Variants in IL12A observed in about 807,000 individuals in gnomAD.
The protein encoded by IL12A is interleukin-12 subunit alpha.
Under a neutral mutation model 23.5 loss-of-function variants are expected in IL12A, and 16 were observed. That is an observed-to-expected ratio of 0.68 (90% CI 0.46 to 1.03). The LOEUF (loss-of-function observed/expected upper bound fraction) is 1.03. Ranked by LOEUF, IL12A falls within the 50% of genes least tolerant of loss-of-function variation. IL12A has a pLI of 0.00. For missense variants in IL12A, 275 were observed against 307.0 expected (o/e 0.90, Z 0.78); for synonymous variants, 106 against 111.5 (o/e 0.95, Z 0.31).
rs1238528265 is a variant in IL12A at position 159,993,621 on chromosome 3, A to G, written c.462+12A>G. The G allele has an allele frequency of 1.2e-6, 2 of 1,614,118 alleles. No homozygotes were observed. The highest frequency in any genetic ancestry group is 1.7e-6 in the Non-Finnish European group (2 of 1,179,978). On this transcript the variant is annotated intron_variant, in intron 5 of 6. Coordinates refer to ENST00000305579, the MANE Select transcript of IL12A (RefSeq NM_000882.4). ...CCTCTTTTATGATGGTAAGACACAC[A>G]GCTCTTTCCTCAAATGCAATGGGGG... is the stretch of plus-strand genomic sequence containing the variant.
intron 2 of IL12A, among the ~76,000 whole-genome samples, chr3:159,991,012 G>A (rs930317627): frequency 3.9e-5 from 6 of 152,144 alleles, no homozygotes; most frequent in Non-Finnish European, 5.9e-5. Context: ...TTTCTAGCTT[G>A]TTGCCTTAGG....
chr3:159,990,323 C>T lies in IL12A; in HGVS notation c.264+11C>T. On this transcript the variant is annotated intron_variant, in intron 2 of 6. Transcript: ENST00000305579. Reference sequence around the variant, plus strand: ...AACATGCTCCAGAAGGTGAGCCTTTCCTGTCCTCTCCACTGTGGACCTGCA... The same window carrying T: ...AACATGCTCCAGAAGGTGAGCCTTTTCTGTCCTCTCCACTGTGGACCTGCA... 6.2e-7 allele frequency: 1 copy of T among 1,613,852 alleles called. No individual in the cohort carries two copies. The highest frequency in any genetic ancestry group is 8.5e-7 in the Non-Finnish European group (1 of 1,179,828).
Position 159,989,152 on chromosome 3 carries a change from G to T in IL12A, c.96G>T (p.Arg32=), listed in dbSNP as rs2108041992. Residue 32 remains arginine (R), a synonymous_variant, in exon 1 of 7, where the codon CGG becomes CGT. Coordinates refer to ENST00000305579, the MANE Select transcript of IL12A (RefSeq NM_000882.4). ...CTCGCCCTGTGTCCCTGCAGTGCCG[G>T]CTCAGCATGTGTCCAGCGCGCAGTG... 1 of 1,611,874 alleles carries T rather than the reference G, an allele frequency of 6.2e-7. No individual in the cohort carries two copies. Among genetic ancestry groups the T allele is most frequent in the East Asian group, 2.2e-5 (1 of 44,812 alleles).
chr3:159,993,564 C>G lies in IL12A; in HGVS notation c.421-4C>G. On this transcript the variant is annotated splice_polypyrimidine_tract_variant and splice_region_variant and intron_variant, in intron 4 of 6. Transcript: ENST00000305579. ...CACTGATGTCTGATTATTTTTTCCT[C>G]TAGAATGGGAGTTGCCTGGCCTCCA... 1.2e-6 allele frequency: 2 copies of G among 1,614,024 alleles called. No homozygotes were observed. The highest frequency in any genetic ancestry group is 1.7e-6 in the Non-Finnish European group (2 of 1,179,954).
intron 2 of IL12A, 90 bp downstream of exon 2, chr3:159,990,402 C>T (rs760023357): frequency 2.2e-6 from 3 of 1,342,498 alleles, no homozygotes; most frequent in Admixed American, 4.2e-5. Flanking sequence ...GATGGAACTG[C>T]AGAGAAATTG....
intron 3 of IL12A, 115 bp from the exon 4 acceptor site, chr3:159,993,336 G>A: frequency 2.4e-6 from 2 of 821,076 alleles, no homozygotes; most frequent in Middle Eastern, 3.6e-4. Flanking sequence ...AAATAGTTCA[G>A]ATGCTAAATA....
Position 159,995,400 on chromosome 3 carries a change from C to G in IL12A, c.607-4C>G. The G allele has an allele frequency of 1.9e-6, 3 of 1,588,064 alleles. No individual in the cohort carries two copies. The highest frequency in any genetic ancestry group is 2.6e-6 in the Non-Finnish European group (3 of 1,169,896). ...TAAGTCATGCTTACTGTTCATTCTC[C>G]TAGGCCCTGAATTTCAACAGTGAGA... On this transcript the variant is annotated splice_region_variant and splice_polypyrimidine_tract_variant and intron_variant, in intron 6 of 6. Coordinates refer to ENST00000305579, the MANE Select transcript of IL12A (RefSeq NM_000882.4).
intron 1 of IL12A, among the ~76,000 whole-genome samples, chr3:159,989,886 A>G (rs1577555820): frequency 1.3e-5 from 2 of 152,360 alleles, no homozygotes; most frequent in East Asian, 3.9e-4. Context: ...TTCCCTGATC[A>G]AAAACATGTA....
intron 1 of IL12A, 153 bp downstream of exon 1, chr3:159,989,327 T>A: frequency 1.6e-6 from 1 of 642,272 alleles, no homozygotes; most frequent in Non-Finnish European, 2.7e-6. Context: ...GGTCTCACCG[T>A]GTGCTAAATA....
chr3:159,995,306 G>T, intron 6 of IL12A, 98 bp from the exon 7 acceptor site: 1 of 878,478 alleles, frequency 1.1e-6, no homozygotes, highest in Non-Finnish European at 1.7e-6. Context: ...GGACTGAGTT[G>T]CAGGCTCTGA....
rs769934282 is a variant in IL12A, at chr3:159,990,223, C to T, written c.175C>T (p.Leu59Phe). ...GGACCACCTCAGTTTGGCCAGAAACCTCCCCGTGGCCACTCCAGACCCAGG... is the reference window on the plus strand; with the variant it reads ...GGACCACCTCAGTTTGGCCAGAAACTTCCCCGTGGCCACTCCAGACCCAGG... The change falls in exon 2 of 7, where the codon CTC (leucine) becomes TTC (phenylalanine). Residue 59 changes from leucine to phenylalanine, a missense_variant. Physicochemically the swap from Leu to Phe is conservative, Grantham distance 22. Transcript: ENST00000305579. 11 of 1,614,066 alleles carry T rather than the reference C, an allele frequency of 6.8e-6. No individual in the cohort carries two copies. In the East Asian group the frequency reaches 1.3e-4, roughly 20 times the overall value.
In IL12A at chr3:159,990,314, T is replaced by C; in HGVS notation, c.264+2T>C. On this transcript the variant is annotated splice_donor_variant, in intron 2 of 6. Coordinates refer to ENST00000305579, the MANE Select transcript of IL12A (RefSeq NM_000882.4). LOFTEE classifies it high-confidence loss of function. ...GCCGTCAGCAACATGCTCCAGAAGG[T>C]GAGCCTTTCCTGTCCTCTCCACTGT... The C allele has an allele frequency of 2.5e-6, 4 of 1,613,968 alleles. No homozygotes were observed. The highest frequency in any genetic ancestry group is 3.4e-6 in the Non-Finnish European group (4 of 1,179,898).
At chr3:159,992,639 A>G (rs1720360903) in intron 2 of IL12A, among the ~76,000 whole-genome samples, 2 of 152,200 alleles carry the variant, frequency 1.3e-5, no homozygotes, top group South Asian at 4.1e-4. Context: ...TAGAAGTTAT[A>G]CTTGAAATAG....
At position 159,993,509 on chromosome 3, in the gene IL12A, A is replaced by G. The variant is rs375527576; in HGVS notation, c.420+17A>G. On this transcript the variant is annotated intron_variant, in intron 4 of 6. Coordinates refer to ENST00000305579, the MANE Select transcript of IL12A (RefSeq NM_000882.4). Reference sequence around the variant, plus strand: ...TTCATAACTGTAAGTCAAAAAATGAAAAGTTTCAGCCTGTATGATGAATTC... The same window carrying G: ...TTCATAACTGTAAGTCAAAAAATGAGAAGTTTCAGCCTGTATGATGAATTC... 1.3e-4 allele frequency: 213 copies of G among 1,613,988 alleles called. 3 individuals are homozygous for G. In the South Asian group the frequency reaches 2.0e-3, roughly 15 times the overall value.
intron 2 of IL12A, among the ~76,000 whole-genome samples, chr3:159,992,045 T>C (rs1720334879): frequency 6.6e-6 from 1 of 152,188 alleles, no homozygotes; most frequent in Non-Finnish European, 1.5e-5. Flanking sequence ...GAGGTGGATG[T>C]CTTTGGAGGT....
intron 2 of IL12A, 44 bp downstream of exon 2, chr3:159,990,356 T>G: frequency 6.3e-7 from 1 of 1,591,968 alleles, no homozygotes; most frequent in Non-Finnish European, 8.6e-7. Flanking sequence ...GCACCCTCCC[T>G]GAGGAAGGGG....
chr3:159,988,980 A>C lies in IL12A; in HGVS notation c.-77A>C. 1 of 1,196,332 alleles carries C rather than the reference A, an allele frequency of 8.4e-7. No individual in the cohort carries two copies. Among genetic ancestry groups the C allele is most frequent in the South Asian group, 1.2e-5 (1 of 82,416 alleles). 74.1% of individuals were successfully genotyped at this position (1,196,332 alleles called of 1,614,324 possible). A position where few individuals can be genotyped will look rare whatever the true frequency, so the allele number is the denominator to read the frequency against. On this transcript the variant is annotated 5_prime_UTR_variant, in exon 1 of 7. Coordinates refer to ENST00000305579, the MANE Select transcript of IL12A (RefSeq NM_000882.4). ...GTGTCACCGAGAAGCTGATGTAGAG[A>C]GAGACACAGAAGGAGACAGAAAGCA...
chr3:159,993,966 T>C (rs1348300116), intron 6 of IL12A, 122 bp downstream of exon 6: 1 of 945,430 alleles, frequency 1.1e-6, no homozygotes, highest in Non-Finnish European at 1.6e-6. Flanking sequence ...AGACCTACAT[T>C]TTCAAGAAGA....
intron 3 of IL12A, 93 bp from the exon 4 acceptor site, chr3:159,993,358 G>A (rs1310977835): frequency 6.3e-6 from 6 of 956,548 alleles, no homozygotes; most frequent in Non-Finnish European, 9.5e-6. Context: ...TATGATATGT[G>A]TTTTTACCAT....
Sources: gnomAD v4.1 joint callset for allele counts (sites outside exome capture counted in the v4.1 genomes callset) on GRCh38, gnomAD v4.1.1 for gene constraint, MANE v1.5 for transcripts, NCBI Gene and HGNC (gene_info 2026-07-23, HGNC 2026-07-21) for gene names.